Variants in VWC2 observed in about 807,000 individuals in gnomAD.
VWC2 encodes brorin.
In VWC2, 14 loss-of-function variants were observed where a neutral mutation model predicts 29.8. That is an observed-to-expected ratio of 0.47 (90% CI 0.31 to 0.74). The LOEUF (loss-of-function observed/expected upper bound fraction) is 0.74, where lower values mean the gene tolerates loss of function less well. Ranked by LOEUF, VWC2 falls within the 30% of genes least tolerant of loss-of-function variation. The pLI is 0.05. For synonymous variants in VWC2, 213 were observed against 199.0 expected (o/e 1.07, Z -0.59); for missense variants, 457 against 459.8 (o/e 0.99, Z 0.05).
chr7:49,828,815 C>T (rs1789462319), intron 3 of VWC2, among the ~76,000 whole-genome samples: 1 of 152,184 alleles, frequency 6.6e-6, no homozygotes, highest in African/African-American at 2.4e-5. Context: ...TCCACCACCT[C>T]CTGGTTGTCC....
At chr7:49,794,266 T>C (rs1788532932) in intron 2 of VWC2, among the ~76,000 whole-genome samples, 1 of 152,236 alleles carries the variant, frequency 6.6e-6, no homozygotes, top group Non-Finnish European at 1.5e-5. Context: ...AGCTCGAATG[T>C]GCATGAAATA....
At chr7:49,828,568 G>T (rs1475440671) in intron 3 of VWC2, among the ~76,000 whole-genome samples, 1 of 152,112 alleles carries the variant, frequency 6.6e-6, no homozygotes, top group Non-Finnish European at 1.5e-5. Flanking sequence ...ATTCTAGTGG[G>T]GTGTGGTGGT....
intron 3 of VWC2, among the ~76,000 whole-genome samples, chr7:49,840,792 C>T (rs1452573855): frequency 6.6e-6 from 1 of 152,096 alleles, no homozygotes; most frequent in African/African-American, 2.4e-5. Context: ...GTTAGTTTCC[C>T]CGTATTTCAG....
chr7:49,875,245 C>G (rs763409730), intron 3 of VWC2, among the ~76,000 whole-genome samples: 1 of 151,154 alleles, frequency 6.6e-6, no homozygotes, highest in Non-Finnish European at 1.5e-5. Flanking sequence ...TGGCATGCGC[C>G]TTTAGTCCCA....
chr7:49,830,453 C>T (rs1275373127), intron 3 of VWC2, among the ~76,000 whole-genome samples: 4 of 152,242 alleles, frequency 2.6e-5, no homozygotes, highest in African/African-American at 9.6e-5. Context: ...ATTGTTATTC[C>T]TGTCCACAGT....
intron 3 of VWC2, among the ~76,000 whole-genome samples, chr7:49,856,313 G>A (rs1302693618): frequency 6.6e-6 from 1 of 152,062 alleles, no homozygotes; most frequent in Non-Finnish European, 1.5e-5. Flanking sequence ...GTGAAATCTG[G>A]TTGTTTAGAG....
intron 3 of VWC2, among the ~76,000 whole-genome samples, chr7:49,905,782 G>T (rs934942021): frequency 6.8e-6 from 1 of 147,942 alleles, no homozygotes; most frequent in African/African-American, 2.5e-5. Context: ...GAAAGAGGTC[G>T]GCTCAAGAAA....
At chr7:49,853,861 CCCCT>C (rs1018392413) in intron 3 of VWC2, among the ~76,000 whole-genome samples, 1 of 121,880 alleles carries the variant, frequency 8.2e-6, no homozygotes, top group Non-Finnish European at 1.7e-5. Flanking sequence ...CTATCCCTCC[CCCCT>C]CCCCCCACCC....
rs1296892885 is a variant in VWC2, at chr7:49,916,357, T to C, written c.*4172T>C. 6.6e-6 allele frequency: 1 copy of C among 152,204 alleles called. No individual in the cohort carries two copies. The highest frequency in any genetic ancestry group is 1.5e-5 in the Non-Finnish European group (1 of 68,028). The allele number at this position is 152,204 out of a possible 1,614,324, so 9.4% of individuals were successfully genotyped here. ...CAGACTATACTCTAAACATGGTCTT[T>C]ACTATCTCAGATCCTGCCCTGAGTG... On this transcript the variant is annotated 3_prime_UTR_variant, in exon 4 of 4. Transcript: ENST00000340652.
At chr7:49,909,717 T>A (rs1793301578) in intron 3 of VWC2, among the ~76,000 whole-genome samples, 1 of 151,406 alleles carries the variant, frequency 6.6e-6, no homozygotes, top group Non-Finnish European at 1.5e-5. Context: ...AATTTGGGAG[T>A]CATTGCCAGA....
chr7:49,896,559 T>C (rs927221204), intron 3 of VWC2, among the ~76,000 whole-genome samples: 2 of 151,774 alleles, frequency 1.3e-5, no homozygotes, highest in Non-Finnish European at 2.9e-5. Context: ...ATCAGTAAAA[T>C]TGAAAACAAA....
intron 3 of VWC2, among the ~76,000 whole-genome samples, chr7:49,831,175 C>T (rs1038725389): frequency 6.6e-6 from 1 of 152,158 alleles, no homozygotes; most frequent in Non-Finnish European, 1.5e-5. Flanking sequence ...TGAGGGCGCC[C>T]ATCTCCAGCC....
At chr7:49,820,228 A>T (rs1789236081) in intron 3 of VWC2, among the ~76,000 whole-genome samples, 1 of 152,056 alleles carries the variant, frequency 6.6e-6, no homozygotes, top group Non-Finnish European at 1.5e-5. Context: ...TGTAGCTCTG[A>T]GCCCATTTGG....
chr7:49,783,916 GA>G (rs200274550), intron 2 of VWC2, among the ~76,000 whole-genome samples: 4 of 151,274 alleles, frequency 2.6e-5, no homozygotes, highest in Admixed American at 6.6e-5. Context: ...ATAAAATAAA[GA>G]AAAAAAAGAA....
At chr7:49,896,324 G>C (rs1211975589) in intron 3 of VWC2, among the ~76,000 whole-genome samples, 1 of 152,180 alleles carries the variant, frequency 6.6e-6, no homozygotes, top group African/African-American at 2.4e-5. Context: ...CTGAGTGAAA[G>C]AGCAAGACTC....
chr7:49,840,282 G>A (rs1308801534), intron 3 of VWC2, among the ~76,000 whole-genome samples: 2 of 152,220 alleles, frequency 1.3e-5, no homozygotes, highest in South Asian at 2.1e-4. Flanking sequence ...TGTGGGGAAT[G>A]TCTGGTGGTA....
At position 49,788,753 on chromosome 7, in the gene VWC2, G is replaced by T. The variant is rs570780547; in HGVS notation, c.696+12622G>T. On this transcript the variant is annotated intron_variant, in intron 2 of 3. Coordinates refer to ENST00000340652, the MANE Select transcript of VWC2 (RefSeq NM_198570.5). ...GTGTGTGGATGTGTGTGTGGATGTG[G>T]GTGTGGGGGTGTGAGAGAGGGTGTG... 5.6e-5 allele frequency among the ~76,000 whole-genome samples: 8 copies of T among 142,890 alleles called. No homozygotes were observed. The East Asian group carries it at 1.3e-3, about 23-fold the overall frequency. 93.7% of individuals were successfully genotyped at this position (142,890 alleles called of 152,430 possible).
At chr7:49,907,185 A>G (rs1262369289) in intron 3 of VWC2, among the ~76,000 whole-genome samples, 1 of 152,234 alleles carries the variant, frequency 6.6e-6, no homozygotes, top group Non-Finnish European at 1.5e-5. Context: ...TAATTTGCTT[A>G]TTCTTAAAAA....
intron 3 of VWC2, among the ~76,000 whole-genome samples, chr7:49,853,205 G>A (rs1238891914): frequency 6.6e-6 from 1 of 152,256 alleles, no homozygotes; most frequent in Non-Finnish European, 1.5e-5. Flanking sequence ...GAGGCCTCTC[G>A]TGGTCAGGCT....
Sources: allele counts gnomAD v4.1 joint callset (sites outside exome capture counted in the v4.1 genomes callset), GRCh38; gene constraint gnomAD v4.1.1; transcripts MANE v1.5; gene names NCBI Gene and HGNC (gene_info 2026-07-23, HGNC 2026-07-21).